PAGE2B: variants seen among roughly 807,000 people sequenced by gnomAD.
The protein encoded by PAGE2B is putative G antigen family E member 3.
Under a neutral mutation model 7.6 loss-of-function variants are expected in PAGE2B, and 5 were observed. The observed-to-expected ratio is 0.66, with a 90% CI of 0.34 to 1.38. PAGE2B has a LOEUF of 1.38. PAGE2B is among the 40% of genes most tolerant of loss of function. The pLI is 0.04. For missense variants in PAGE2B, 70 were observed against 78.4 expected (o/e 0.89, Z 0.41); for synonymous variants, 29 against 26.7 (o/e 1.09, Z -0.27).
the PAGE2B span, among the ~76,000 whole-genome samples, chrX:55,052,241 G>A: frequency 8.9e-6 from 1 of 112,449 alleles, no homozygotes; most frequent in Non-Finnish European, 1.9e-5. Flanking sequence ...CTCCCAGTTA[G>A]GCTACTCATG....
the PAGE2B span, among the ~76,000 whole-genome samples, chrX:55,031,497 T>C: frequency 8.9e-6 from 1 of 112,067 alleles, no homozygotes; most frequent in Admixed American, 9.5e-5. Context: ...GACTGAGTGC[T>C]TACAATGCAC....
At chrX:55,063,304 C>G in the PAGE2B span, among the ~76,000 whole-genome samples, 2 of 110,628 alleles carry the variant, frequency 1.8e-5, no homozygotes, top group South Asian at 7.6e-4. Flanking sequence ...AAGCAAATTC[C>G]TAGTATTGTA....
the PAGE2B span, among the ~76,000 whole-genome samples, chrX:55,059,375 C>T: frequency 8.0e-4 from 89 of 111,486 alleles, no homozygotes; most frequent in East Asian, 5.9e-3. Context: ...CTAAAGGTTT[C>T]GTTTTTACTT....
chrX:55,077,361 T>C (rs1936533260), intron 3 of PAGE2B, 38 bp from the exon 4 acceptor site: 15 of 1,204,890 alleles, frequency 1.2e-5, no homozygotes, highest in Non-Finnish European at 1.7e-5. Context: ...ATAGTTCATG[T>C]TTTAATTTGT....
chrX:55,035,975 T>C, the PAGE2B span, among the ~76,000 whole-genome samples: 1 of 111,838 alleles, frequency 8.9e-6, no homozygotes, highest in African/African-American at 3.3e-5. Context: ...TTTTATTTCC[T>C]TGAGCAGTGG....
chrX:55,029,259 C>T, the PAGE2B span, among the ~76,000 whole-genome samples: 3 of 111,227 alleles, frequency 2.7e-5, no homozygotes, highest in Non-Finnish European at 3.8e-5. Context: ...TCTGTAATTC[C>T]CCTCTCTGGG....
At chrX:55,045,732 A>C in the PAGE2B span, among the ~76,000 whole-genome samples, 4 of 111,642 alleles carry the variant, frequency 3.6e-5, no homozygotes, top group Admixed American at 3.8e-4. Flanking sequence ...CAAGTCTGAG[A>C]CATCTAAGCA....
At chrX:55,044,973 C>T in the PAGE2B span, 1 of 111,753 alleles carries the variant, frequency 8.9e-6, no homozygotes, top group South Asian at 3.8e-4. Context: ...CACTATATCC[C>T]TAGGATTTGT....
chrX:55,067,178 G>A, the PAGE2B span, among the ~76,000 whole-genome samples: 1 of 110,603 alleles, frequency 9.0e-6, no homozygotes, highest in Non-Finnish European at 1.9e-5. Flanking sequence ...TCTACATTAG[G>A]TATTTCTCCT....
the PAGE2B span, among the ~76,000 whole-genome samples, chrX:55,037,268 A>G: frequency 6.5e-4 from 73 of 112,544 alleles, no homozygotes; most frequent in Non-Finnish European, 1.2e-3. Context: ...TCTCAAAAGA[A>G]GACATTTATG....
At chrX:55,052,531 G>T in the PAGE2B span, among the ~76,000 whole-genome samples, 41 of 112,389 alleles carry the variant, frequency 3.6e-4, no homozygotes, top group Non-Finnish European at 5.6e-4. Flanking sequence ...CCCCAGCCTG[G>T]CTGCCACCTT....
At chrX:55,037,599 G>A in the PAGE2B span, among the ~76,000 whole-genome samples, 7 of 110,695 alleles carry the variant, frequency 6.3e-5, no homozygotes, top group South Asian at 7.8e-4. Context: ...AGACACATGC[G>A]CATGTATGTT....
At chrX:55,060,585 C>T in the PAGE2B span, among the ~76,000 whole-genome samples, 1 of 111,489 alleles carries the variant, frequency 9.0e-6, no homozygotes, top group Admixed American at 9.6e-5. Context: ...CATCTTCACT[C>T]GATTGTTTCT....
the PAGE2B span, among the ~76,000 whole-genome samples, chrX:55,052,711 C>T: frequency 8.9e-6 from 1 of 112,950 alleles, no homozygotes; most frequent in African/African-American, 3.2e-5. Context: ...ATCTGTCACC[C>T]CTTTCTTTGA....
chrX:55,030,634 A>T, the PAGE2B span, among the ~76,000 whole-genome samples: 2 of 111,827 alleles, frequency 1.8e-5, no homozygotes, highest in East Asian at 5.6e-4. Flanking sequence ...AAATTTAGAG[A>T]AAAAGATAGT....
the PAGE2B span, among the ~76,000 whole-genome samples, chrX:55,069,640 C>G: frequency 2.7e-5 from 3 of 111,450 alleles, no homozygotes; most frequent in Non-Finnish European, 5.6e-5. Context: ...CTTTGTACCT[C>G]TGGTAGAATT....
intron 3 of PAGE2B, among the ~76,000 whole-genome samples, 170 bp downstream of exon 3, chrX:55,076,847 G>A (rs1602277357): frequency 9.0e-6 from 1 of 111,724 alleles, no homozygotes; most frequent in South Asian, 3.8e-4. Context: ...AAGCCACTAA[G>A]CTTTCCTACC....
the PAGE2B span, chrX:55,055,048 T>G: frequency 2.7e-5 from 3 of 111,629 alleles, no homozygotes; most frequent in African/African-American, 9.8e-5. Context: ...GGACTATGTG[T>G]TGGTTCATAT....
At chrX:55,035,930 T>C in the PAGE2B span, among the ~76,000 whole-genome samples, 2 of 111,686 alleles carry the variant, frequency 1.8e-5, no homozygotes, top group African/African-American at 3.3e-5. Context: ...TCCTACCCAT[T>C]AGCATGGAAT....
Sources: allele counts gnomAD v4.1 joint callset (sites outside exome capture counted in the v4.1 genomes callset), GRCh38; gene constraint gnomAD v4.1.1; transcripts MANE v1.5; gene names NCBI Gene and HGNC (gene_info 2026-07-23, HGNC 2026-07-21).